PITPNC1: variants seen among roughly 807,000 people sequenced by gnomAD.
PITPNC1 encodes the protein phosphatidylinositol transfer protein cytoplasmic 1, also known as cytoplasmic phosphatidylinositol transfer protein 1.
Under a neutral mutation model 44.7 loss-of-function variants are expected in PITPNC1, and 18 were observed. The observed-to-expected ratio is 0.40, with a 90% CI of 0.28 to 0.60. The LOEUF (loss-of-function observed/expected upper bound fraction) is 0.60. PITPNC1 is among the 20% of genes least tolerant of loss of function. The pLI is 0.39. For synonymous variants in PITPNC1, 141 were observed against 149.6 expected (o/e 0.94, Z 0.42); for missense variants, 290 against 418.4 (o/e 0.69, Z 2.68).
At chr17:67,448,955 C>T (rs1344507690) in intron 1 of PITPNC1, among the ~76,000 whole-genome samples, 1 of 152,058 alleles carries the variant, frequency 6.6e-6, no homozygotes, top group Non-Finnish European at 1.5e-5. Context: ...TTAATAGAGA[C>T]GGGGTTTTGC....
At chr17:67,445,597 G>T (rs1226678514) in intron 1 of PITPNC1, among the ~76,000 whole-genome samples, 6 of 152,016 alleles carry the variant, frequency 3.9e-5, no homozygotes, top group Non-Finnish European at 4.4e-5. Context: ...TGCATTTAAA[G>T]AAACTGTTAC....
intron 5 of PITPNC1, among the ~76,000 whole-genome samples, chr17:67,621,562 C>T (rs748391926): frequency 5.3e-5 from 8 of 152,016 alleles, no homozygotes; most frequent in Non-Finnish European, 1.0e-4. Flanking sequence ...CATATAATAT[C>T]GATTAAATTG....
intron 4 of PITPNC1, among the ~76,000 whole-genome samples, chr17:67,576,542 A>G (rs529601512): frequency 6.6e-6 from 1 of 152,280 alleles, no homozygotes; most frequent in East Asian, 1.9e-4. Flanking sequence ...ACAGATCCCA[A>G]TGCAGGTGCT....
rs2037898236 is a variant in PITPNC1 at position 67,378,057 on chromosome 17, C to G, written c.-98C>G. ...TGCTTCGCCCTCCGGCTCCGAGCGC[C>G]GGGCTCCGGGCGCCCTGCCCTGCGC... On this transcript the variant is annotated 5_prime_UTR_variant, in exon 1 of 9. Coordinates refer to ENST00000581322, the MANE Select transcript of PITPNC1 (RefSeq NM_012417.4). 7 of 674,506 alleles carry G rather than the reference C, an allele frequency of 1.0e-5. No individual in the cohort carries two copies. The highest frequency in any genetic ancestry group is 1.9e-5 in the African/African-American group (1 of 52,222). 41.8% of individuals were successfully genotyped at this position (674,506 alleles called of 1,614,324 possible).
At position 67,378,998 on chromosome 17, in the gene PITPNC1, C is replaced by A. The variant is rs910657382; in HGVS notation, c.48+796C>A. ...AAGCGCGGCTCTGCTGTCCTTCTCC[C>A]GATCCTGCGAAGCCGCGAGCTCCAG... is the stretch of plus-strand genomic sequence containing the variant. On this transcript the variant is annotated intron_variant, in intron 1 of 8. Transcript: ENST00000581322. 3.0e-6 allele frequency: 3 copies of A among 985,256 alleles called. No individual in the cohort carries two copies. The African/African-American group carries it at 5.2e-5, about 17-fold the overall frequency. 61.0% of individuals were successfully genotyped at this position (985,256 alleles called of 1,614,324 possible).
At chr17:67,404,142 T>C (rs2038362668) in intron 1 of PITPNC1, among the ~76,000 whole-genome samples, 1 of 152,232 alleles carries the variant, frequency 6.6e-6, no homozygotes, top group Non-Finnish European at 1.5e-5. Context: ...TGTACCGATA[T>C]ACTAAATATC....
chr17:67,545,492 C>G (rs1025505776), intron 2 of PITPNC1, among the ~76,000 whole-genome samples: 3 of 152,180 alleles, frequency 2.0e-5, no homozygotes, highest in Non-Finnish European at 4.4e-5. Context: ...ATGAGAATTG[C>G]TTGAACCCAG....
chr17:67,399,007 GC>G (rs1859524014), intron 1 of PITPNC1, among the ~76,000 whole-genome samples: 1 of 125,944 alleles, frequency 7.9e-6, no homozygotes, highest in African/African-American at 3.4e-5. Context: ...AAGAGGATCA[GC>G]TTTTTTTTTT....
At chr17:67,491,217 G>A (rs1024610716) in intron 1 of PITPNC1, among the ~76,000 whole-genome samples, 2 of 152,214 alleles carry the variant, frequency 1.3e-5, no homozygotes, top group African/African-American at 4.8e-5. Context: ...GCGTGTGAAC[G>A]CAGCCGGCCA....
chr17:67,660,796 T>G (rs531435879), intron 6 of PITPNC1, among the ~76,000 whole-genome samples: 82 of 150,898 alleles, frequency 5.4e-4, no homozygotes, highest in African/African-American at 2.0e-3. Flanking sequence ...TCCACTCACC[T>G]TGGCCTCCCA....
intron 5 of PITPNC1, among the ~76,000 whole-genome samples, chr17:67,604,928 A>G (rs539277576): frequency 6.6e-6 from 1 of 152,122 alleles, no homozygotes; most frequent in South Asian, 2.1e-4. Context: ...AAAAATAAAA[A>G]ATTAGCTGGG....
chr17:67,618,101 T>G (rs1426651177), intron 5 of PITPNC1, among the ~76,000 whole-genome samples: 2 of 151,994 alleles, frequency 1.3e-5, no homozygotes, highest in Non-Finnish European at 1.5e-5. Flanking sequence ...TGGCTCATGC[T>G]TATAATCCCA....
Position 67,425,203 on chromosome 17 carries a change from G to GCGCGCGCGCGCA in PITPNC1, c.48+47002_48+47003insGCGCGCGCGCAC, listed in dbSNP as rs1370190915. Among the ~76,000 whole-genome samples, 33 of 98,778 alleles carry GCGCGCGCGCGCA rather than the reference G, an allele frequency of 3.3e-4. 2 individuals are homozygous for GCGCGCGCGCGCA. Among genetic ancestry groups the GCGCGCGCGCGCA allele is most frequent in the African/African-American group, 7.5e-4 (18 of 23,900 alleles). 64.8% of individuals were successfully genotyped at this position (98,778 alleles called of 152,430 possible). A position where few individuals can be genotyped will look rare whatever the true frequency, so the allele number is the denominator to read the frequency against. ...CCATGTTGTGCGCGCGCACGCACAC[G>GCGCGCGCGCGCA]CACACACACACACACACACACACAC... On this transcript the variant is annotated intron_variant, in intron 1 of 8. Transcript: ENST00000581322.
intron 1 of PITPNC1, among the ~76,000 whole-genome samples, chr17:67,397,839 A>T (rs2038242004): frequency 6.6e-6 from 1 of 152,184 alleles, no homozygotes; most frequent in Non-Finnish European, 1.5e-5. Flanking sequence ...CACGCCTGTA[A>T]TCCCAGCACT....
intron 1 of PITPNC1, among the ~76,000 whole-genome samples, chr17:67,505,770 C>T (rs554508891): frequency 3.3e-5 from 5 of 152,238 alleles, no homozygotes; most frequent in East Asian, 1.9e-4. Context: ...CCACCGCGCC[C>T]AGCCCAAGTT....
At chr17:67,459,113 CTTTTTTTTTTT>C (rs886333854) in intron 1 of PITPNC1, among the ~76,000 whole-genome samples, 4 of 95,732 alleles carry the variant, frequency 4.2e-5, no homozygotes, top group Non-Finnish European at 8.5e-5. Flanking sequence ...TTTTCTTTTT[CTTTTTTTTTTT>C]TTTTTTTTTT....
intron 1 of PITPNC1, among the ~76,000 whole-genome samples, chr17:67,512,841 A>G (rs559128693): frequency 6.6e-6 from 1 of 152,204 alleles, no homozygotes; most frequent in South Asian, 2.1e-4. Context: ...TTTAAAATGT[A>G]GTTCATATCT....
intron 6 of PITPNC1, among the ~76,000 whole-genome samples, chr17:67,641,783 AAATAATAATAATAATAATAAT>A (rs151024440): frequency 7.4e-6 from 1 of 135,930 alleles, no homozygotes; most frequent in African/African-American, 2.7e-5. Context: ...CCCTACCTCA[AAATAATAATAATAATAATAAT>A]AATAATAATA....
At chr17:67,396,194 A>G (rs1453323982) in intron 1 of PITPNC1, among the ~76,000 whole-genome samples, 2 of 152,196 alleles carry the variant, frequency 1.3e-5, no homozygotes, top group Non-Finnish European at 2.9e-5. Context: ...TTAGAGGTCC[A>G]AATGGAATAA....
Sources: gnomAD v4.1 joint callset for allele counts (sites outside exome capture counted in the v4.1 genomes callset) on GRCh38, gnomAD v4.1.1 for gene constraint, MANE v1.5 for transcripts, NCBI Gene and HGNC (gene_info 2026-07-23, HGNC 2026-07-21) for gene names.